Variants in GNAO1 observed in about 807,000 individuals in gnomAD.
GNAO1 encodes guanine nucleotide-binding protein G(o) subunit alpha.
For missense variants in GNAO1, 166 were observed against 478.7 expected (o/e 0.35, Z 6.10); for synonymous variants, 164 against 180.7 (o/e 0.91, Z 0.74).
intron 2 of GNAO1, among the ~76,000 whole-genome samples, chr16:56,215,751 G>A (rs1323578969): frequency 6.6e-6 from 1 of 152,172 alleles, no homozygotes; most frequent in African/African-American, 2.4e-5. Flanking sequence ...TGGCTGTTAG[G>A]TGTAGAAGTT....
In GNAO1 at chr16:56,351,308, T is replaced by G; in HGVS notation, c.724-76T>G. On this transcript the variant is annotated intron_variant, in intron 6 of 8. Transcript: ENST00000262493. The surrounding 1 kb of genome is among the most constrained non-coding windows in gnomAD (Gnocchi z 6.1). Reference sequence around the variant, plus strand: ...CCCAGTCCCTCTCTGTCAAGCCTAATTCTCTCCTTCTCTTTCCCTGTCTCT... The same window carrying G: ...CCCAGTCCCTCTCTGTCAAGCCTAAGTCTCTCCTTCTCTTTCCCTGTCTCT... 19 of 1,044,390 alleles carry G rather than the reference T, an allele frequency of 1.8e-5. No homozygotes were observed. Among genetic ancestry groups the G allele is most frequent in the Non-Finnish European group, 2.2e-5 (15 of 690,386 alleles). 64.7% of individuals were successfully genotyped at this position (1,044,390 alleles called of 1,614,324 possible).
At chr16:56,226,495 T>C (rs910833009) in intron 2 of GNAO1, 3 of 152,090 alleles carry the variant, frequency 2.0e-5, no homozygotes, top group African/African-American at 7.2e-5. Flanking sequence ...CCATGGAAGA[T>C]AGAAGCAAGA....
At chr16:56,308,978 G>T (rs1446809690) in intron 3 of GNAO1, among the ~76,000 whole-genome samples, 6 of 152,084 alleles carry the variant, frequency 3.9e-5, no homozygotes, top group Non-Finnish European at 8.8e-5. Context: ...TTCCTTTTGG[G>T]GTTTCCCTGA....
intron 2 of GNAO1, among the ~76,000 whole-genome samples, chr16:56,203,801 C>T (rs1464361860): frequency 6.6e-6 from 1 of 152,134 alleles, no homozygotes; most frequent in African/African-American, 2.4e-5. Context: ...CAGAAGTAGG[C>T]CTGGAACATT....
At chr16:56,327,556 C>T (rs2037648138) in intron 3 of GNAO1, among the ~76,000 whole-genome samples, 1 of 152,202 alleles carries the variant, frequency 6.6e-6, no homozygotes, top group East Asian at 1.9e-4. Context: ...TGCAAGGTGG[C>T]GGTGACGGTG....
At chr16:56,340,548 A>C in intron 6 of GNAO1, 1 of 401,610 alleles carries the variant, frequency 2.5e-6, no homozygotes. Flanking sequence ...CTCTCCAGTG[A>C]CCTCACTGCC....
chr16:56,214,216 G>A (rs1402038049), intron 2 of GNAO1, among the ~76,000 whole-genome samples: 3 of 152,126 alleles, frequency 2.0e-5, no homozygotes, highest in Non-Finnish European at 4.4e-5. Flanking sequence ...TCATTGCTGG[G>A]GCTTCCCGTT....
chr16:56,256,716 CTCTG>C lies in GNAO1; in HGVS notation c.162-19213_162-19210del, dbSNP rs1244595576. The stretch of plus-strand genomic sequence containing the variant: ...TCTCTCTCTCTCTCTCTCTCTCTCT[CTCTG>C]TGTGTGTGTGTGTGTGTGTGTGTGT... On this transcript the variant is annotated intron_variant, in intron 2 of 8. Coordinates refer to ENST00000262493, the MANE Select transcript of GNAO1 (RefSeq NM_020988.3). Among the ~76,000 whole-genome samples, 438 of 90,304 alleles carry C rather than the reference CTCTG, an allele frequency of 4.9e-3. 1 individual carries two copies. Among genetic ancestry groups the C allele is most frequent in the Admixed American group, 7.8e-3 (70 of 9,024 alleles). The allele number at this position is 90,304 out of a possible 152,430, so 59.2% of individuals were successfully genotyped here. A position where few individuals can be genotyped will look rare whatever the true frequency, so the allele number is the denominator to read the frequency against.
intron 2 of GNAO1, among the ~76,000 whole-genome samples, chr16:56,274,067 A>G (rs1462284686): frequency 6.6e-6 from 1 of 152,114 alleles, no homozygotes; most frequent in Non-Finnish European, 1.5e-5. Flanking sequence ...CAGCTACCTC[A>G]GCTTTCCTGA....
At chr16:56,290,208 C>A (rs2037216261) in intron 3 of GNAO1, among the ~76,000 whole-genome samples, 1 of 152,196 alleles carries the variant, frequency 6.6e-6, no homozygotes, top group Admixed American at 6.5e-5. Context: ...CCTTTCCTGA[C>A]TCTCCGAATA....
At chr16:56,249,996 A>G (rs1473325893) in intron 2 of GNAO1, among the ~76,000 whole-genome samples, 7 of 152,174 alleles carry the variant, frequency 4.6e-5, no homozygotes, top group Non-Finnish European at 8.8e-5. Flanking sequence ...CACAGCTCAG[A>G]CTTGGCCAAC....
At chr16:56,266,454 CATCT>C (rs2036954786) in intron 2 of GNAO1, among the ~76,000 whole-genome samples, 2 of 152,196 alleles carry the variant, frequency 1.3e-5, no homozygotes, top group Admixed American at 6.5e-5. Flanking sequence ...AAAACATACA[CATCT>C]TACTTCTGCC....
intron 2 of GNAO1, among the ~76,000 whole-genome samples, chr16:56,248,555 AAT>A (rs1292680507): frequency 2.4e-4 from 37 of 152,318 alleles, no homozygotes; most frequent in African/African-American, 8.9e-4. Context: ...ACAGAAAAAT[AAT>A]ATGTCAGGGG....
chr16:56,262,630 G>C (rs555549827), intron 2 of GNAO1, among the ~76,000 whole-genome samples: 2 of 152,192 alleles, frequency 1.3e-5, no homozygotes, highest in South Asian at 4.2e-4. Context: ...TAATTAAAAA[G>C]CTATGCAGAC....
At chr16:56,269,021 G>T (rs1382505769) in intron 2 of GNAO1, among the ~76,000 whole-genome samples, 1 of 152,212 alleles carries the variant, frequency 6.6e-6, no homozygotes, top group Non-Finnish European at 1.5e-5. Context: ...CTGACGGCTG[G>T]AAACCATTGG....
At chr16:56,305,044 G>T (rs1292532053) in intron 3 of GNAO1, among the ~76,000 whole-genome samples, 2 of 152,206 alleles carry the variant, frequency 1.3e-5, no homozygotes, top group African/African-American at 4.8e-5. Flanking sequence ...CCCACAGCCT[G>T]GCTCTCTTGG....
chr16:56,277,151 C>G (rs925562784), intron 3 of GNAO1: 11 of 152,222 alleles, frequency 7.2e-5, no homozygotes, highest in African/African-American at 2.7e-4. Flanking sequence ...TTGGCTCCTC[C>G]AGGTACTGGG....
intron 1 of GNAO1, 86 bp from the exon 2 acceptor site, chr16:56,192,488 C>T (rs1189450820): frequency 7.8e-6 from 7 of 894,154 alleles, no homozygotes; most frequent in Non-Finnish European, 9.4e-6. Context: ...GGATCGCCCA[C>T]CCCCTCGCAT....
At chr16:56,248,778 G>A (rs746501) in intron 2 of GNAO1, among the ~76,000 whole-genome samples, 19,635 of 152,146 alleles carry the variant, frequency 0.13, 1,605 homozygotes, top group African/African-American at 0.22. Flanking sequence ...CCTCTATGGC[G>A]GGAGGGATAG....
Sources: gnomAD v4.1 joint callset for allele counts (sites outside exome capture counted in the v4.1 genomes callset) on GRCh38, gnomAD v4.1.1 for gene constraint, Gnocchi (gnomAD v3.1) non-coding constraint, MANE v1.5 for transcripts, NCBI Gene and HGNC (gene_info 2026-07-23, HGNC 2026-07-21) for gene names.